Variants in NCAPD3 observed in about 807,000 individuals in gnomAD.
NCAPD3 encodes condensin-2 complex subunit D3.
NCAPD3 carries 105 observed loss-of-function variants against 182.9 expected under a neutral mutation model. That is an observed-to-expected ratio of 0.57 (90% CI 0.49 to 0.68). The LOEUF (loss-of-function observed/expected upper bound fraction) is 0.68. Among genes scored for constraint, NCAPD3 ranks in the 30% least tolerant of loss-of-function variants. The pLI is 0.00. For synonymous variants in NCAPD3, 815 were observed against 679.9 expected, an observed-to-expected ratio of 1.20 and a Z score of -3.09; for missense variants, 1,944 against 1,837.0, an observed-to-expected ratio of 1.06 and a Z score of -1.07.
At chr11:134,180,283 TAGG>T (rs1944267160) in intron 20 of NCAPD3, among the ~76,000 whole-genome samples, 1 of 151,992 alleles carries the variant, frequency 6.6e-6, no homozygotes, top group African/African-American at 2.4e-5. Flanking sequence ...CACTGGGCGT[TAGG>T]AGAGCTAGGC....
intron 3 of NCAPD3, among the ~76,000 whole-genome samples, chr11:134,215,669 C>T (rs939696639): frequency 3.3e-5 from 5 of 152,120 alleles, no homozygotes; most frequent in African/African-American, 1.2e-4. Context: ...GGAAAGACAT[C>T]CTGCGGCTAG....
intron 2 of NCAPD3, among the ~76,000 whole-genome samples, chr11:134,219,061 A>G (rs936398854): frequency 6.6e-6 from 1 of 152,172 alleles, no homozygotes; most frequent in Non-Finnish European, 1.5e-5. Context: ...CCTCACGTAA[A>G]GCTACCCGTG....
At chr11:134,212,379 G>T (rs976633807) in intron 3 of NCAPD3, among the ~76,000 whole-genome samples, 25 of 149,396 alleles carry the variant, frequency 1.7e-4, no homozygotes, top group Non-Finnish European at 3.1e-4. Context: ...GTTGTTTTGT[G>T]TGTGTGTGTG....
At position 134,152,780 on chromosome 11, in the gene NCAPD3, C is replaced by G; in HGVS notation, c.*164G>C. On this transcript the variant is annotated 3_prime_UTR_variant, in exon 35 of 35. Coordinates refer to ENST00000534548, the MANE Select transcript of NCAPD3 (RefSeq NM_015261.3). ...ACAGTGTTTAACCAAATACATCATACAGAATAGAAGGTGAGTGCCAGGCCC... is the reference window on the plus strand; with the variant it reads ...ACAGTGTTTAACCAAATACATCATAGAGAATAGAAGGTGAGTGCCAGGCCC... 1 of 560,962 alleles carries G rather than the reference C, an allele frequency of 1.8e-6. No individual in the cohort carries two copies. Among genetic ancestry groups the G allele is most frequent in the African/African-American group, 1.9e-5 (1 of 53,842 alleles). 34.7% of individuals were successfully genotyped at this position (560,962 alleles called of 1,614,324 possible).
At chr11:134,184,793 A>G in intron 18 of NCAPD3, 41 bp from the exon 19 acceptor site, 1 of 1,487,464 alleles carries the variant, frequency 6.7e-7, no homozygotes, top group Middle Eastern at 1.7e-4. Context: ...AACTGCTTAA[A>G]TATATTCAGG....
intron 4 of NCAPD3, 167 bp from the exon 5 acceptor site, chr11:134,209,644 A>G (rs1937752659): frequency 1.7e-6 from 1 of 605,656 alleles, no homozygotes; most frequent in South Asian, 2.2e-5. Context: ...CCTTGGCCAC[A>G]ACAGTAAATC....
Position 134,209,200 on chromosome 11 carries a change from C to T in NCAPD3, c.739G>A (p.Val247Ile). 1 of 1,613,352 alleles carries T rather than the reference C, an allele frequency of 6.2e-7. No homozygotes were observed. The highest frequency in any genetic ancestry group is 8.5e-7 in the Non-Finnish European group (1 of 1,179,698). The change falls in exon 6 of 35, where the codon GTT (valine) becomes ATT (isoleucine). Residue 247 changes from valine (V) to isoleucine (I), a missense_variant. Physicochemically the swap from Val to Ile is conservative, Grantham distance 29. Around this residue, in one of 3 missense-constraint regions of NCAPD3, gnomAD observed 1,803 missense variants for 1,674.6 expected, o/e 1.08. Coordinates refer to ENST00000534548, the MANE Select transcript of NCAPD3 (RefSeq NM_015261.3). Reference sequence around the variant, plus strand: ...ACTGGCTCAAAATTAGTTAATGAAACAAAGACCTAGAAAACAGATATGAAG... The same window carrying T: ...ACTGGCTCAAAATTAGTTAATGAAATAAAGACCTAGAAAACAGATATGAAG... ...QCVQNCIEVF[V>I]SLTNFEPVLH... is the part of the protein sequence containing the mutation.
intron 13 of NCAPD3, among the ~76,000 whole-genome samples, chr11:134,197,393 C>T (rs1944655401): frequency 6.6e-6 from 1 of 151,172 alleles, no homozygotes; most frequent in Admixed American, 6.6e-5. Context: ...TCTCCTGCCT[C>T]AGCCTCCTAA....
chr11:134,185,032 G>A (rs1463642365), intron 17 of NCAPD3, 32 bp from the exon 18 acceptor site: 4 of 1,514,276 alleles, frequency 2.6e-6, no homozygotes, highest in Non-Finnish European at 3.7e-6. Flanking sequence ...TATGAAGGGA[G>A]AAGCAAGTTA....
intron 2 of NCAPD3, among the ~76,000 whole-genome samples, chr11:134,220,317 G>A (rs1323850683): frequency 6.6e-6 from 1 of 150,988 alleles, no homozygotes; most frequent in African/African-American, 2.4e-5. Context: ...CACCACACCC[G>A]GCCTTATACT....
At chr11:134,181,368 T>C (rs1249089702) in intron 19 of NCAPD3, among the ~76,000 whole-genome samples, 184 bp from the exon 20 acceptor site, 4 of 152,232 alleles carry the variant, frequency 2.6e-5, no homozygotes, top group Non-Finnish European at 5.9e-5. Context: ...AATCTAGCCA[T>C]GAGTACTGGC....
chr11:134,169,718 T>C (rs1295138040), intron 24 of NCAPD3, among the ~76,000 whole-genome samples: 1 of 152,182 alleles, frequency 6.6e-6, no homozygotes, highest in East Asian at 1.9e-4. Context: ...ATGAAGATTT[T>C]CAATGCCAGA....
At chr11:134,164,088 A>G (rs1405997200) in intron 27 of NCAPD3, among the ~76,000 whole-genome samples, 3 of 152,162 alleles carry the variant, frequency 2.0e-5, no homozygotes, top group Non-Finnish European at 2.9e-5. Context: ...ATATCCTTGG[A>G]GTCAAAAGCC....
chr11:134,157,079 C>A lies in NCAPD3; in HGVS notation c.4191G>T (p.Leu1397Phe). 1 of 1,613,546 alleles carries A rather than the reference C, an allele frequency of 6.2e-7. No individual in the cohort carries two copies. The highest frequency in any genetic ancestry group is 8.5e-7 in the Non-Finnish European group (1 of 1,179,676). ...KTCSQVSSYS[L>F]EQESNGEIEH... ...CAATCTCGCCATTCGACTCTTGCTC[C>A]AAACTGTATGAAGACACTAGAACAG... Residue 1397 changes from leucine (L) to phenylalanine (F), a missense_variant, in exon 32 of 35, where the codon TTG becomes TTT. By Grantham distance (22) the Leu-to-Phe change is conservative. Coordinates refer to ENST00000534548, the MANE Select transcript of NCAPD3 (RefSeq NM_015261.3).
upstream of NCAPD3, chr11:134,225,421 C>T: frequency 7.0e-7 from 1 of 1,438,708 alleles, no homozygotes; most frequent in Non-Finnish European, 9.6e-7. Flanking sequence ...GGCCCAGCTC[C>T]TCCGGCGAGG....
intron 27 of NCAPD3, 83 bp downstream of exon 27, chr11:134,167,913 G>A (rs1943903130): frequency 8.1e-7 from 1 of 1,234,820 alleles, no homozygotes; most frequent in Non-Finnish European, 1.2e-6. Flanking sequence ...TGAGCTTGGG[G>A]GAGGTGCACA....
In NCAPD3 at chr11:134,152,995, T is replaced by C. The variant is rs1177639415; in HGVS notation, c.4446A>G (p.Pro1482=). 2 of 1,587,058 alleles carry C rather than the reference T, an allele frequency of 1.3e-6. No individual in the cohort carries two copies. The highest frequency in any genetic ancestry group is 2.7e-5 in the African/African-American group (2 of 74,178). ...TTCGGAGGGACCTCCTGCTGCAGGC[T>C]GGAGTGTCTTTATTCCTGGCGGGAG... is the stretch of plus-strand genomic sequence containing the variant. The part of the protein sequence containing the change: ...VRSPARNKDT[P]ACSRRSLRKT... The change falls in exon 35 of 35, where the codon CCA becomes CCG. Residue 1482 remains proline, a synonymous_variant. Coordinates refer to ENST00000534548, the MANE Select transcript of NCAPD3 (RefSeq NM_015261.3).
At position 134,157,054 on chromosome 11, in the gene NCAPD3, C is replaced by G. The variant is rs774653279; in HGVS notation, c.4216G>C (p.Glu1406Gln). ...CTGATGGCCCGCTTGGTCACGTGCT[C>G]AATCTCGCCATTCGACTCTTGCTCC... ...SLEQESNGEI[E>Q]HVTKRAISTP... Residue 1406 changes from glutamate (E) to glutamine (Q), a missense_variant, in exon 32 of 35, where the codon GAG becomes CAG. This residue lies in a region of NCAPD3 where 1,803 missense variants were observed against 1,674.6 expected (regional missense o/e 1.08). Transcript: ENST00000534548. 6 of 1,613,780 alleles carry G rather than the reference C, an allele frequency of 3.7e-6. No individual in the cohort carries two copies. The highest frequency in any genetic ancestry group is 3.3e-5 in the South Asian group (3 of 90,982).
intron 3 of NCAPD3, 116 bp downstream of exon 3, chr11:134,216,820 T>C (rs1938043712): frequency 6.1e-6 from 6 of 991,120 alleles, no homozygotes; most frequent in Admixed American, 2.9e-5. Flanking sequence ...CTCTCTGCCA[T>C]GGGTTAGCAC....
Sources: allele counts gnomAD v4.1 joint callset (sites outside exome capture counted in the v4.1 genomes callset), GRCh38; gene constraint gnomAD v4.1.1; regional missense constraint gnomAD v4.1.1; transcripts MANE v1.5; gene names NCBI Gene and HGNC (gene_info 2026-07-23, HGNC 2026-07-21).